ANKRD11: variants seen among roughly 807,000 people sequenced by gnomAD.
ANKRD11 encodes the protein ankyrin repeat domain 11.
In ANKRD11, 17 loss-of-function variants were observed where a neutral mutation model predicts 195.7. That is an observed-to-expected ratio of 0.09 (90% CI 0.06 to 0.13). The LOEUF is 0.13. Ranked by LOEUF, ANKRD11 falls within the 10% of genes least tolerant of loss-of-function variation. ANKRD11 has a pLI of 1.00. For synonymous variants in ANKRD11, 1,953 were observed against 1,528.1 expected, an observed-to-expected ratio of 1.28 and a Z score of -6.49; for missense variants, 3,735 against 3,566.1, an observed-to-expected ratio of 1.05 and a Z score of -1.21.
At chr16:89,443,294 G>A (rs1487557750) in intron 1 of ANKRD11, 2 of 152,138 alleles carry the variant, frequency 1.3e-5, no homozygotes, top group African/African-American at 4.8e-5. Context: ...AATCGAACTT[G>A]TTCACAGTCA....
chr16:89,356,935 G>A (rs555498147), intron 2 of ANKRD11, among the ~76,000 whole-genome samples: 1 of 152,356 alleles, frequency 6.6e-6, no homozygotes, highest in East Asian at 1.9e-4. Context: ...TCCTGCTGCT[G>A]GGAAGGGCCA....
chr16:89,464,911 T>C (rs2056831733), intron 1 of ANKRD11, among the ~76,000 whole-genome samples: 3 of 152,214 alleles, frequency 2.0e-5, no homozygotes. Context: ...CTACTATGAT[T>C]ACTATGATGG....
At chr16:89,470,551 ATC>A (rs1457460954) in intron 1 of ANKRD11, among the ~76,000 whole-genome samples, 1 of 152,140 alleles carries the variant, frequency 6.6e-6, no homozygotes, top group Non-Finnish European at 1.5e-5. Flanking sequence ...TCTCTAAGAA[ATC>A]TCATGAAAGC....
intron 4 of ANKRD11, among the ~76,000 whole-genome samples, chr16:89,292,361 C>A (rs565715803): frequency 1.3e-5 from 2 of 152,190 alleles, no homozygotes; most frequent in Non-Finnish European, 2.9e-5. Context: ...GAACACAGAA[C>A]GGTCTTAACT....
Position 89,282,824 on chromosome 16 carries a change from C to T in ANKRD11, c.3718G>A (p.Glu1240Lys). 3 of 1,611,298 alleles carry T rather than the reference C, an allele frequency of 1.9e-6. No homozygotes were observed. Among genetic ancestry groups the T allele is most frequent in the Non-Finnish European group, 2.5e-6 (3 of 1,180,010 alleles). ...GCAGCGTGCTTCTTTTCAGCCTTCT[C>T]GGGGAGCTTCTGTTTATTTTTCTTA... Reference protein sequence around the residue: ...QDKKNKQKLPEKAEKKHAAED... With the variant: ...QDKKNKQKLPKKAEKKHAAED... The change falls in exon 9 of 13, where the codon GAG becomes AAG. Residue 1240 changes from glutamate to lysine, a missense_variant. Physicochemically the swap from Glu to Lys is moderately conservative, Grantham distance 56. Transcript: ENST00000301030.
intron 4 of ANKRD11, among the ~76,000 whole-genome samples, chr16:89,301,921 C>G (rs1255162291): frequency 6.6e-6 from 1 of 152,184 alleles, no homozygotes; most frequent in Non-Finnish European, 1.5e-5. Context: ...CTGAGGGAGA[C>G]GTGCCAGCCT....
intron 2 of ANKRD11, among the ~76,000 whole-genome samples, chr16:89,377,809 G>A (rs897704343): frequency 1.3e-5 from 2 of 152,004 alleles, no homozygotes; most frequent in Non-Finnish European, 2.9e-5. Flanking sequence ...AAAGCACTTC[G>A]TAAGTTACAC....
At chr16:89,410,345 A>C (rs1458831435) in intron 2 of ANKRD11, among the ~76,000 whole-genome samples, 3 of 152,202 alleles carry the variant, frequency 2.0e-5, no homozygotes, top group Non-Finnish European at 4.4e-5. Context: ...ACTAACAAAA[A>C]ACAAGCAAGA....
intron 1 of ANKRD11, among the ~76,000 whole-genome samples, chr16:89,440,715 GC>G (rs1469606353): frequency 5.9e-5 from 9 of 152,174 alleles, no homozygotes; most frequent in Admixed American, 3.9e-4. Flanking sequence ...AGCAACGTGG[GC>G]AGAGCCCTGG....
chr16:89,289,000 T>C, intron 6 of ANKRD11: 1 of 425,528 alleles, frequency 2.4e-6, no homozygotes, highest in South Asian at 2.2e-5. Flanking sequence ...CTCACCGATC[T>C]GGAGGCGTAT....
chr16:89,458,127 G>A (rs1016399867), intron 1 of ANKRD11, among the ~76,000 whole-genome samples: 2 of 151,820 alleles, frequency 1.3e-5, no homozygotes, highest in South Asian at 2.1e-4. Flanking sequence ...TTTCTGAAAC[G>A]GTGCTTTAGA....
At chr16:89,468,143 TG>T (rs2056948310) in intron 1 of ANKRD11, among the ~76,000 whole-genome samples, 1 of 152,088 alleles carries the variant, frequency 6.6e-6, no homozygotes, top group Non-Finnish European at 1.5e-5. Context: ...ATCATGAACT[TG>T]GAAAGAAGGG....
At chr16:89,299,962 G>C (rs1190593172) in intron 4 of ANKRD11, 2 of 178,630 alleles carry the variant, frequency 1.1e-5, no homozygotes, top group Admixed American at 8.1e-5. Context: ...CCCTGTGTGA[G>C]GTGCCTGCCC....
At chr16:89,489,838 C>G (rs908747116) in intron 1 of ANKRD11, among the ~76,000 whole-genome samples, 1 of 146,342 alleles carries the variant, frequency 6.8e-6, no homozygotes. Flanking sequence ...CCCACGGCCC[C>G]CAGGCCCGCC....
chr16:89,372,705 TGCTAGTAAAC>T (rs1270935841), intron 2 of ANKRD11: 1 of 152,178 alleles, frequency 6.6e-6, no homozygotes, highest in African/African-American at 2.4e-5. Context: ...GCTGGTCAAA[TGCTAGTAAAC>T]GCTGAGCCCG....
chr16:89,464,271 T>C (rs578257032), intron 1 of ANKRD11, among the ~76,000 whole-genome samples: 1 of 149,940 alleles, frequency 6.7e-6, no homozygotes, highest in South Asian at 2.1e-4. Context: ...TGGTGGAATC[T>C]AACCCTCTTA....
chr16:89,352,371 G>A (rs1047322756), intron 2 of ANKRD11, among the ~76,000 whole-genome samples: 3 of 151,498 alleles, frequency 2.0e-5, no homozygotes, highest in African/African-American at 7.3e-5. Flanking sequence ...ATGTCTCAAG[G>A]CAGCCCCCCA....
Position 89,325,675 on chromosome 16 carries a change from G to T in ANKRD11, c.-59-8597C>A, listed in dbSNP as rs1251641563. ...CGGGTTCTAAGTGAAGGCTGCGGAG[G>T]CGTTTGCTTTGTGGTCTGCTAAGTT... is the stretch of plus-strand genomic sequence containing the variant. On this transcript the variant is annotated intron_variant, in intron 2 of 12. Coordinates refer to ENST00000301030, the MANE Select transcript of ANKRD11 (RefSeq NM_013275.6). 2.6e-5 allele frequency among the ~76,000 whole-genome samples: 4 copies of T among 152,228 alleles called. No homozygotes were observed. The South Asian group carries it at 8.3e-4, about 31-fold the overall frequency.
rs939674669 is a variant in ANKRD11, at chr16:89,414,113, C to T, written c.-60+4171G>A. Among the ~76,000 whole-genome samples the T allele has an allele frequency of 3.9e-5, 6 of 152,176 alleles. No homozygotes were observed. The East Asian group carries it at 9.6e-4, about 24-fold the overall frequency. On this transcript the variant is annotated intron_variant, in intron 2 of 12. Coordinates refer to ENST00000301030, the MANE Select transcript of ANKRD11 (RefSeq NM_013275.6). ...GACTGCGCACTCGGGGACACTGAGG[C>T]GCACGATCGCACCTGCCTTACAAGT...
Sources: allele counts gnomAD v4.1 joint callset (sites outside exome capture counted in the v4.1 genomes callset), GRCh38; gene constraint gnomAD v4.1.1; transcripts MANE v1.5; gene names NCBI Gene and HGNC (gene_info 2026-07-23, HGNC 2026-07-21).